The following KAT7 variants were observed in gnomAD, a reference collection of about 807,000 sequenced individuals.
KAT7 encodes the protein lysine acetyltransferase 7.
KAT7 carries 10 observed loss-of-function variants against 82.1 expected under a neutral mutation model. The ratio of observed to expected loss-of-function variants is 0.12; its 90% CI spans 0.08 to 0.21. The LOEUF is 0.21. KAT7 is among the 10% of genes least tolerant of loss of function. The pLI is 1.00. For synonymous variants in KAT7, 250 were observed against 262.5 expected (o/e 0.95, Z 0.46); for missense variants, 378 against 760.9 (o/e 0.50, Z 5.92).
rs539952069 is a variant in KAT7 at position 49,812,247 on chromosome 17, T to C, written c.852+673T>C. 2.7e-5 allele frequency among the ~76,000 whole-genome samples: 4 copies of C among 150,252 alleles called. No individual in the cohort carries two copies. The East Asian group carries it at 5.8e-4, about 22-fold the overall frequency. Reference sequence around the variant, plus strand: ...TCGCTTAAAAATCTTTTTTTTTTTTTTTTTTTTGAGACAGTCGGCCAGGCT... The same window carrying C: ...TCGCTTAAAAATCTTTTTTTTTTTTCTTTTTTTGAGACAGTCGGCCAGGCT... On this transcript the variant is annotated intron_variant, in intron 7 of 14. Coordinates refer to ENST00000259021, the MANE Select transcript of KAT7 (RefSeq NM_007067.5).
chr17:49,793,997 C>T (rs2073922293), intron 2 of KAT7, among the ~76,000 whole-genome samples: 1 of 152,172 alleles, frequency 6.6e-6, no homozygotes, highest in Non-Finnish European at 1.5e-5. Flanking sequence ...AGGATTTCAG[C>T]TAAAGTATTG....
chr17:49,811,898 T>C (rs569669916), intron 7 of KAT7, among the ~76,000 whole-genome samples: 234 of 152,362 alleles, frequency 1.5e-3, no homozygotes, highest in Non-Finnish European at 2.5e-3. Flanking sequence ...TGGAAATGTC[T>C]GTATGAAGAA....
intron 1 of KAT7, chr17:49,790,051 C>T (rs2073865427): frequency 6.6e-6 from 1 of 152,138 alleles, no homozygotes; most frequent in Admixed American, 6.5e-5. Flanking sequence ...TGGCAGGTTA[C>T]CCTTAAGATA....
chr17:49,811,258 C>T (rs1415087021), intron 6 of KAT7, among the ~76,000 whole-genome samples: 1 of 151,890 alleles, frequency 6.6e-6, no homozygotes, highest in Non-Finnish European at 1.5e-5. Context: ...AGGCGTGCAC[C>T]ACCATGCCTG....
At position 49,794,714 on chromosome 17, in the gene KAT7, C is replaced by T. The variant is rs556790964; in HGVS notation, c.164-2036C>T. The stretch of plus-strand genomic sequence containing the variant: ...AATGTTTGTAGGAAGTATAATTGAC[C>T]ATGCCCTAGACACCTGAAAACTAAA... On this transcript the variant is annotated intron_variant, in intron 2 of 14. Coordinates refer to ENST00000259021, the MANE Select transcript of KAT7 (RefSeq NM_007067.5). Among the ~76,000 whole-genome samples, 5 of 152,336 alleles carry T rather than the reference C, an allele frequency of 3.3e-5. No individual in the cohort carries two copies. In the South Asian group the frequency reaches 1.0e-3, roughly 32 times the overall value.
In KAT7 at chr17:49,828,208, G is replaced by T. The variant is rs530551891; in HGVS notation, c.*706G>T. ...TTTGATTTGAGTTCACCTGTGGGCA[G>T]TGGGCAGTGGGCAGTGTCTTGGTGA... On this transcript the variant is annotated 3_prime_UTR_variant, in exon 15 of 15. Coordinates refer to ENST00000259021, the MANE Select transcript of KAT7 (RefSeq NM_007067.5). The T allele has an allele frequency of 1.3e-5, 2 of 152,216 alleles. No individual in the cohort carries two copies. The highest frequency in any genetic ancestry group is 3.9e-4 in the East Asian group (2 of 5,174). The allele number at this position is 152,216 out of a possible 1,614,324, so 9.4% of individuals were successfully genotyped here. A position where few individuals can be genotyped will look rare whatever the true frequency, so the allele number is the denominator to read the frequency against.
intron 4 of KAT7, among the ~76,000 whole-genome samples, chr17:49,804,010 C>A (rs2074058768): frequency 6.6e-6 from 1 of 151,452 alleles, no homozygotes; most frequent in South Asian, 2.1e-4. Flanking sequence ...TTTTATAAAC[C>A]TTTTGGTTGA....
intron 2 of KAT7, 28 bp from the exon 3 acceptor site, chr17:49,796,722 C>G: frequency 6.6e-7 from 1 of 1,508,468 alleles, no homozygotes; most frequent in Non-Finnish European, 8.9e-7. Context: ...CATCTTTTTT[C>G]TTTATTTTCT....
chr17:49,827,559 A>G lies in KAT7; in HGVS notation c.*57A>G, dbSNP rs1221168357. On this transcript the variant is annotated 3_prime_UTR_variant, in exon 15 of 15. Transcript: ENST00000259021. ...AGCAGTAGGAATCCGTACCCTAGGGATCTGTCTGTCATTTCTCTGTTGCTC... is the reference window on the plus strand; with the variant it reads ...AGCAGTAGGAATCCGTACCCTAGGGGTCTGTCTGTCATTTCTCTGTTGCTC... The G allele has an allele frequency of 1.6e-5, 16 of 990,562 alleles. No individual in the cohort carries two copies. In the African/African-American group the frequency reaches 2.5e-4, roughly 16 times the overall value. The allele number at this position is 990,562 out of a possible 1,614,324, so 61.4% of individuals were successfully genotyped here.
Position 49,815,895 on chromosome 17 carries a change from C to A in KAT7, c.945C>A (p.Ala315=), listed in dbSNP as rs1222610469. The A allele has an allele frequency of 6.2e-7, 1 of 1,612,554 alleles. No homozygotes were observed. Among genetic ancestry groups the A allele is most frequent in the Admixed American group, 1.7e-5 (1 of 60,012 alleles). The part of the protein sequence containing the change: ...YDLDLFRRAQ[A]RASEDLEKLR... The stretch of plus-strand genomic sequence containing the variant: ...TGGATCTTTTCCGAAGAGCACAAGC[C>A]CGGGCTTCAGAGGATTTGGTGAGTA... Residue 315 remains alanine (A), a synonymous_variant, in exon 8 of 15, where the codon GCC becomes GCA. Transcript: ENST00000259021.
At chr17:49,815,026 C>T (rs1173865823) in intron 7 of KAT7, 1 of 152,152 alleles carries the variant, frequency 6.6e-6, no homozygotes, top group Non-Finnish European at 1.5e-5. Flanking sequence ...AGGGAAGTTT[C>T]CTTTGTAGAA....
intron 2 of KAT7, among the ~76,000 whole-genome samples, chr17:49,793,738 A>G (rs1042959375): frequency 1.5e-4 from 23 of 151,838 alleles, no homozygotes; most frequent in African/African-American, 5.6e-4. Flanking sequence ...GTGCCCAGCT[A>G]ATTTTTGTAT....
At chr17:49,803,070 G>T (rs1409302117) in intron 4 of KAT7, among the ~76,000 whole-genome samples, 3 of 151,168 alleles carry the variant, frequency 2.0e-5, no homozygotes, top group African/African-American at 4.9e-5. Context: ...AGTGAGGATG[G>T]TTTTTCGTGT....
chr17:49,821,511 T>C, intron 10 of KAT7, 85 bp downstream of exon 10: 1 of 1,457,044 alleles, frequency 6.9e-7, no homozygotes, highest in South Asian at 1.2e-5. Context: ...CCATCACACC[T>C]TGTGAAGGAC....
At chr17:49,824,910 A>G (rs2074351010) in intron 12 of KAT7, among the ~76,000 whole-genome samples, 1 of 152,176 alleles carries the variant, frequency 6.6e-6, no homozygotes, top group Non-Finnish European at 1.5e-5. Flanking sequence ...TCTAAAAGAT[A>G]AGGTCTATTA....
At chr17:49,791,450 G>GTT (rs1012427012) in intron 1 of KAT7, among the ~76,000 whole-genome samples, 3 of 152,184 alleles carry the variant, frequency 2.0e-5, no homozygotes, top group Non-Finnish European at 4.4e-5. Flanking sequence ...CTGAGGTCAG[G>GTT]TGTTCAAGAC....
At chr17:49,790,456 C>G (rs2073872442) in intron 1 of KAT7, among the ~76,000 whole-genome samples, 1 of 152,204 alleles carries the variant, frequency 6.6e-6, no homozygotes, top group South Asian at 2.1e-4. Flanking sequence ...CTCGGCCTCC[C>G]AAAGTACTGG....
chr17:49,814,876 A>G (rs2074214503), intron 7 of KAT7: 2 of 152,232 alleles, frequency 1.3e-5, no homozygotes, highest in Admixed American at 1.3e-4. Context: ...TGGTCTCTTC[A>G]TATGGTAATA....
intron 9 of KAT7, among the ~76,000 whole-genome samples, chr17:49,818,457 T>C (rs752492443): frequency 1.3e-5 from 2 of 152,182 alleles, no homozygotes; most frequent in Non-Finnish European, 2.9e-5. Flanking sequence ...TGGGTACTTA[T>C]TAATATTTAA....
Sources: gnomAD v4.1 joint callset for allele counts (sites outside exome capture counted in the v4.1 genomes callset) on GRCh38, gnomAD v4.1.1 for gene constraint, MANE v1.5 for transcripts, NCBI Gene and HGNC (gene_info 2026-07-23, HGNC 2026-07-21) for gene names.